Variants in DKK2 observed in about 807,000 individuals in gnomAD.
DKK2 encodes dickkopf Wnt signaling pathway inhibitor 2.
In DKK2, 11 loss-of-function variants were observed where a neutral mutation model predicts 28.1. That is an observed-to-expected ratio of 0.39 (90% CI 0.25 to 0.65). DKK2 has a LOEUF of 0.65. Ranked by LOEUF, DKK2 falls within the 30% of genes least tolerant of loss-of-function variation. DKK2 has a pLI of 0.47. For synonymous variants in DKK2, 135 were observed against 126.5 expected, an observed-to-expected ratio of 1.07 and a Z score of -0.45; for missense variants, 326 against 335.5, an observed-to-expected ratio of 0.97 and a Z score of 0.22.
At chr4:106,998,435 A>G (rs563806327) in intron 1 of DKK2, among the ~76,000 whole-genome samples, 13 of 152,306 alleles carry the variant, frequency 8.5e-5, no homozygotes, top group African/African-American at 3.1e-4. Flanking sequence ...CTTTACTCCC[A>G]TAAGGACAAG....
intron 1 of DKK2, among the ~76,000 whole-genome samples, chr4:106,951,767 C>T (rs1724864321): frequency 6.6e-6 from 1 of 151,952 alleles, no homozygotes; most frequent in African/African-American, 2.4e-5. Flanking sequence ...ATGTTAATAG[C>T]TCTTAGTTCT....
intron 1 of DKK2, among the ~76,000 whole-genome samples, chr4:106,987,827 G>A (rs1464721380): frequency 2.7e-5 from 4 of 149,998 alleles, no homozygotes; most frequent in African/African-American, 4.9e-5. Flanking sequence ...TCCGTTTCTT[G>A]CACCTGAAAA....
At chr4:107,020,257 A>G (rs1723671072) in intron 1 of DKK2, among the ~76,000 whole-genome samples, 1 of 152,110 alleles carries the variant, frequency 6.6e-6, no homozygotes. Context: ...TTTAACAATG[A>G]GAATTTTTAA....
chr4:106,955,987 C>T (rs1722584502), intron 1 of DKK2, among the ~76,000 whole-genome samples: 1 of 152,130 alleles, frequency 6.6e-6, no homozygotes, highest in East Asian at 1.9e-4. Context: ...TTTACTATGG[C>T]TGTTTAGAAT....
chr4:106,924,541 C>A lies in DKK2; in HGVS notation c.529+4G>T. ...AAAAACCCCAGAACTACAGATATCC[C>A]TACCTTTTATATGTGACATCTTAGT... On this transcript the variant is annotated splice_donor_region_variant and intron_variant, in intron 3 of 3. Coordinates refer to ENST00000285311, the MANE Select transcript of DKK2 (RefSeq NM_014421.3). The A allele has an allele frequency of 1.2e-6, 2 of 1,612,794 alleles. No individual in the cohort carries two copies. The highest frequency in any genetic ancestry group is 2.2e-5 in the South Asian group (2 of 90,894).
chr4:106,935,083 T>C (rs1724560183), intron 1 of DKK2, among the ~76,000 whole-genome samples: 1 of 151,786 alleles, frequency 6.6e-6, no homozygotes. Flanking sequence ...AATAAACCTT[T>C]TGGTTAAAAA....
At chr4:107,016,159 A>G (rs1723601100) in intron 1 of DKK2, among the ~76,000 whole-genome samples, 3 of 151,900 alleles carry the variant, frequency 2.0e-5, no homozygotes, top group African/African-American at 7.2e-5. Flanking sequence ...CCTGAACAGC[A>G]TTAGAGAACA....
At chr4:106,942,830 T>C (rs940868506) in intron 1 of DKK2, among the ~76,000 whole-genome samples, 3 of 152,132 alleles carry the variant, frequency 2.0e-5, no homozygotes, top group Admixed American at 2.0e-4. Flanking sequence ...TAGTACGCTA[T>C]ATAAAATCTT....
At chr4:107,009,568 T>C (rs1443257778) in intron 1 of DKK2, among the ~76,000 whole-genome samples, 1 of 151,862 alleles carries the variant, frequency 6.6e-6, no homozygotes, top group South Asian at 2.1e-4. Flanking sequence ...GTAATAATTA[T>C]AACACAAAGC....
At chr4:106,994,915 C>G (rs891802603) in intron 1 of DKK2, among the ~76,000 whole-genome samples, 3 of 152,168 alleles carry the variant, frequency 2.0e-5, no homozygotes, top group Non-Finnish European at 4.4e-5. Context: ...GATGGGGGTA[C>G]TCATTTGATC....
At chr4:106,962,746 A>G (rs1418009833) in intron 1 of DKK2, among the ~76,000 whole-genome samples, 2 of 152,092 alleles carry the variant, frequency 1.3e-5, no homozygotes. Context: ...CCAAAGCAAA[A>G]CAGATAAATG....
chr4:107,019,480 A>G (rs1170058840), intron 1 of DKK2, among the ~76,000 whole-genome samples: 1 of 152,040 alleles, frequency 6.6e-6, no homozygotes, highest in East Asian at 1.9e-4. Context: ...GTGAGGCAAC[A>G]TAAAATTCCT....
At position 106,937,475 on chromosome 4, in the gene DKK2, G is replaced by C. The variant is rs1412182090; in HGVS notation, c.223-11526C>G. Among the ~76,000 whole-genome samples, 17 of 134,678 alleles carry C rather than the reference G, an allele frequency of 1.3e-4. No homozygotes were observed. In the East Asian group the frequency reaches 3.0e-3, roughly 24 times the overall value. The allele number at this position is 134,678 out of a possible 152,430, so 88.4% of individuals were successfully genotyped here. A position where few individuals can be genotyped will look rare whatever the true frequency, so the allele number is the denominator to read the frequency against. ...CACCAAGATTCATAAAGCAAGTCCT[G>C]AGTGACCTACAAAGAGACTTAGACT... On this transcript the variant is annotated intron_variant, in intron 1 of 3. Coordinates refer to ENST00000285311, the MANE Select transcript of DKK2 (RefSeq NM_014421.3).
chr4:107,031,814 C>T (rs367764625), intron 1 of DKK2, among the ~76,000 whole-genome samples: 2 of 151,918 alleles, frequency 1.3e-5, no homozygotes, highest in South Asian at 2.1e-4. Context: ...ATGTGAATTG[C>T]AAAGCTTGAT....
intron 1 of DKK2, among the ~76,000 whole-genome samples, chr4:106,979,987 C>T (rs1463837892): frequency 6.6e-6 from 1 of 152,172 alleles, no homozygotes; most frequent in African/African-American, 2.4e-5. Context: ...CAAACATACA[C>T]ATAAAACTTC....
At chr4:106,972,757 T>C (rs1220558619) in intron 1 of DKK2, among the ~76,000 whole-genome samples, 1 of 152,170 alleles carries the variant, frequency 6.6e-6, no homozygotes, top group East Asian at 1.9e-4. Context: ...TTTTGTTTTA[T>C]ACTTTAAGTT....
intron 1 of DKK2, among the ~76,000 whole-genome samples, chr4:106,957,009 A>T (rs1722604471): frequency 1.3e-5 from 2 of 151,962 alleles, no homozygotes; most frequent in Admixed American, 1.3e-4. Context: ...CTCACCTGAC[A>T]AAGGGCTAAT....
intron 1 of DKK2, among the ~76,000 whole-genome samples, chr4:107,014,648 A>C (rs1723565871): frequency 1.3e-5 from 2 of 151,616 alleles, no homozygotes; most frequent in Non-Finnish European, 1.5e-5. Flanking sequence ...AAGATTTAAA[A>C]GTTATCCCCA....
intron 1 of DKK2, among the ~76,000 whole-genome samples, chr4:106,970,213 A>C (rs1433764600): frequency 6.6e-6 from 1 of 152,128 alleles, no homozygotes; most frequent in African/African-American, 2.4e-5. Flanking sequence ...AACTAAATTA[A>C]GGTAAAGAAC....
Sources: gnomAD v4.1 joint callset for allele counts (sites outside exome capture counted in the v4.1 genomes callset) on GRCh38, gnomAD v4.1.1 for gene constraint, MANE v1.5 for transcripts, NCBI Gene and HGNC (gene_info 2026-07-23, HGNC 2026-07-21) for gene names.